Variants in CAST observed in about 807,000 individuals in gnomAD.
CAST encodes the protein calpastatin.
In CAST, 76 loss-of-function variants were observed where a neutral mutation model predicts 119.6. The ratio of observed to expected loss-of-function variants is 0.64; its 90% CI spans 0.53 to 0.77. CAST has a LOEUF of 0.77. Ranked by LOEUF, CAST falls within the 30% of genes least tolerant of loss-of-function variation. CAST has a pLI of 0.00. For synonymous variants in CAST, 319 were observed against 331.6 expected, an observed-to-expected ratio of 0.96 and a Z score of 0.41; for missense variants, 953 against 946.5, an observed-to-expected ratio of 1.01 and a Z score of -0.09.
chr5:96,435,158 C>T, the CAST span, among the ~76,000 whole-genome samples: 75,561 of 151,986 alleles, frequency 0.5, 19,227 homozygotes, highest in African/African-American at 0.59. Context: ...TGTTTTATAA[C>T]GGTAGATGTG....
chr5:96,340,518 C>G, the CAST span, among the ~76,000 whole-genome samples: 1 of 152,150 alleles, frequency 6.6e-6, no homozygotes, highest in Non-Finnish European at 1.5e-5. Flanking sequence ...ATTGAATCAG[C>G]TTGTTGGCTC....
chr5:96,407,631 A>G, the CAST span, among the ~76,000 whole-genome samples: 3 of 152,216 alleles, frequency 2.0e-5, no homozygotes, highest in Non-Finnish European at 4.4e-5. Flanking sequence ...GATGACAACT[A>G]ATATTTACTG....
intron 1 of CAST, among the ~76,000 whole-genome samples, chr5:96,575,150 A>G (rs1367444240): frequency 2.0e-5 from 3 of 152,126 alleles, no homozygotes; most frequent in Non-Finnish European, 2.9e-5. Flanking sequence ...GTATATTTAA[A>G]TATTTTAATT....
chr5:96,079,962 A>G, the CAST span, among the ~76,000 whole-genome samples: 1 of 152,174 alleles, frequency 6.6e-6, no homozygotes, highest in Non-Finnish European at 1.5e-5. Flanking sequence ...AGCCTTATAT[A>G]TACATATTCG....
the CAST span, among the ~76,000 whole-genome samples, chr5:96,237,006 T>C: frequency 1.3e-5 from 2 of 152,212 alleles, no homozygotes; most frequent in African/African-American, 4.8e-5. Context: ...CTGTCTCTTG[T>C]TTTGGTTGTA....
At chr5:96,511,954 A>G in the CAST span, among the ~76,000 whole-genome samples, 3 of 152,348 alleles carry the variant, frequency 2.0e-5, no homozygotes, top group Admixed American at 6.5e-5. Context: ...AGCCTTCTCA[A>G]AAGGAAATGG....
At chr5:96,412,486 T>A in the CAST span, 2 of 1,613,860 alleles carry the variant, frequency 1.2e-6, no homozygotes, top group South Asian at 2.2e-5. Context: ...CCAGCATTCT[T>A]ATGCCTGAGA....
chr5:96,568,585 A>G (rs1193937120), intron 1 of CAST, among the ~76,000 whole-genome samples: 3 of 151,048 alleles, frequency 2.0e-5, no homozygotes, highest in Non-Finnish European at 3.0e-5. Flanking sequence ...AAAAAAAAAA[A>G]AAAGAAGATA....
chr5:95,989,906 A>C, the CAST span, among the ~76,000 whole-genome samples: 10 of 152,314 alleles, frequency 6.6e-5, no homozygotes, highest in African/African-American at 2.4e-4. Flanking sequence ...GCAAGCAAAC[A>C]GTAATAACTC....
At chr5:96,182,758 A>G in the CAST span, among the ~76,000 whole-genome samples, 1 of 152,216 alleles carries the variant, frequency 6.6e-6, no homozygotes, top group East Asian at 1.9e-4. Flanking sequence ...ACAACAGTCT[A>G]CTTTTCTTCC....
chr5:96,509,349 C>A, the CAST span, among the ~76,000 whole-genome samples: 1 of 152,070 alleles, frequency 6.6e-6, no homozygotes, highest in Admixed American at 6.5e-5. Flanking sequence ...TGGTTCAAAT[C>A]CAATTTTAAA....
At chr5:96,114,751 A>G in the CAST span, among the ~76,000 whole-genome samples, 1 of 152,196 alleles carries the variant, frequency 6.6e-6, no homozygotes, top group Admixed American at 6.5e-5. Context: ...TGTCTAAGAT[A>G]TAGTTACTGG....
the CAST span, among the ~76,000 whole-genome samples, chr5:96,502,647 T>TCTTC: frequency 6.6e-6 from 1 of 151,436 alleles, no homozygotes; most frequent in African/African-American, 2.4e-5. Context: ...TTTCTTTCTT[T>TCTTC]CTTTCTTTCT....
At chr5:96,330,461 G>A in the CAST span, among the ~76,000 whole-genome samples, 2 of 152,172 alleles carry the variant, frequency 1.3e-5, 1 homozygote, top group South Asian at 4.1e-4. Context: ...ATGGACAAAT[G>A]TATCAGTTGG....
chr5:96,105,104 G>A, the CAST span, among the ~76,000 whole-genome samples: 818 of 139,038 alleles, frequency 5.9e-3, 9 homozygotes, highest in African/African-American at 0.021. Flanking sequence ...AGACTTTGCT[G>A]AAGTTGCTTA....
the CAST span, among the ~76,000 whole-genome samples, chr5:96,141,788 TCTTA>T: frequency 3.3e-5 from 5 of 152,218 alleles, no homozygotes; most frequent in African/African-American, 1.2e-4. Flanking sequence ...AGCTCTGTTC[TCTTA>T]CTTACAACCC....
the CAST span, among the ~76,000 whole-genome samples, chr5:95,967,813 A>C: frequency 6.6e-6 from 1 of 152,324 alleles, no homozygotes; most frequent in African/African-American, 2.4e-5. Context: ...CTTCATTAGA[A>C]GCATGAGAAC....
At chr5:96,038,570 G>A in the CAST span, among the ~76,000 whole-genome samples, 68 of 137,022 alleles carry the variant, frequency 5.0e-4, no homozygotes, top group Non-Finnish European at 7.7e-4. Context: ...CCCTCCCTGT[G>A]TCCATGTGTT....
At chr5:96,619,914 T>C (rs1261056005) in intron 1 of CAST, among the ~76,000 whole-genome samples, 2 of 152,232 alleles carry the variant, frequency 1.3e-5, no homozygotes, top group Non-Finnish European at 2.9e-5. Flanking sequence ...TGTACCTCAC[T>C]AACCATGTGA....
Sources: gnomAD v4.1 joint callset for allele counts (sites outside exome capture counted in the v4.1 genomes callset) on GRCh38, gnomAD v4.1.1 for gene constraint, MANE v1.5 for transcripts, NCBI Gene and HGNC (gene_info 2026-07-23, HGNC 2026-07-21) for gene names.